The following IL1RAPL2 variants were observed in gnomAD, a reference collection of about 807,000 sequenced individuals.
The protein encoded by IL1RAPL2 is interleukin 1 receptor accessory protein like 2, also known as X-linked interleukin-1 receptor accessory protein-like 2.
Under a neutral mutation model 44.1 loss-of-function variants are expected in IL1RAPL2, and 3 were observed. The observed-to-expected ratio is 0.07, with a 90% confidence interval of 0.03 to 0.18. The LOEUF is 0.18. Among genes scored for constraint, IL1RAPL2 ranks in the 10% least tolerant of loss-of-function variants. The pLI, the probability that IL1RAPL2 is intolerant of heterozygous loss-of-function variation, is 1.00. For synonymous variants in IL1RAPL2, 181 were observed against 178.8 expected, an observed-to-expected ratio of 1.01 and a Z score of -0.10; for missense variants, 391 against 496.4, an observed-to-expected ratio of 0.79 and a Z score of 2.02.
chrX:105,530,185 T>G (rs1345890511), intron 6 of IL1RAPL2, among the ~76,000 whole-genome samples: 1 of 112,339 alleles, frequency 8.9e-6, no homozygotes, highest in African/African-American at 3.2e-5. Context: ...TTACCAGCAA[T>G]GCACATGGGT....
At chrX:104,847,024 G>A (rs1189124069) in intron 2 of IL1RAPL2, among the ~76,000 whole-genome samples, 1 of 111,915 alleles carries the variant, frequency 8.9e-6, no homozygotes, top group Non-Finnish European at 1.9e-5. Context: ...CATATCCTTT[G>A]CCCACTTTTT....
rs181979611 is a variant in IL1RAPL2 at position 105,290,195 on chromosome X, T to C, written c.697+22654T>C. ...TTACATAGAATTTACTAACAGCCTGTTGTGTGCCAGGCATTGTCCTAGACA... is the reference window on the plus strand; with the variant it reads ...TTACATAGAATTTACTAACAGCCTGCTGTGTGCCAGGCATTGTCCTAGACA... On this transcript the variant is annotated intron_variant, in intron 5 of 10. Transcript: ENST00000372582. Among the ~76,000 whole-genome samples, 11 of 111,708 alleles carry C rather than the reference T, an allele frequency of 9.8e-5. No homozygotes were observed. The East Asian group carries it at 2.0e-3, about 20-fold the overall frequency.
rs776972031 is a variant in IL1RAPL2, at chrX:105,270,669, C to T, written c.697+3128C>T. Among the ~76,000 whole-genome samples the T allele has an allele frequency of 7.2e-5, 8 of 111,686 alleles. No individual in the cohort carries two copies. The East Asian group carries it at 2.0e-3, about 28-fold the overall frequency. ...CTTGGTATGGAAGTTCAAGAGTTTG[C>T]TCTGTGAAGGTTTATTCTTTTTTGG... On this transcript the variant is annotated intron_variant, in intron 5 of 10. Transcript: ENST00000372582.
Position 105,046,836 on chromosome X carries a change from T to TTTG in IL1RAPL2, c.83-148639_83-148638insTTG, listed in dbSNP as rs1556036881. Among the ~76,000 whole-genome samples the TTTG allele has an allele frequency of 5.2e-3, 519 of 99,396 alleles. 9 individuals carry two copies. Among genetic ancestry groups the TTTG allele is most frequent in the African/African-American group, 0.019 (496 of 26,482 alleles). The allele number at this position is 99,396 out of a possible 115,157, so 86.3% of individuals were successfully genotyped here. A position where few individuals can be genotyped will look rare whatever the true frequency, so the allele number is the denominator to read the frequency against. On this transcript the variant is annotated intron_variant, in intron 2 of 10. Transcript: ENST00000372582. The stretch of plus-strand genomic sequence containing the variant: ...AAGCACTAACCTTTTTTTTTTTTTT[T>TTTG]GGGGGGGTGCTAGACCTAGTAAAAG...
Position 104,912,792 on chromosome X carries a change from CAA to C in IL1RAPL2, c.82+253798_82+253799del, listed in dbSNP as rs1165437204. ...CTTTTACAATAAAACAAAAACAAAA[CAA>C]GAGATCACATAGCAAGGGTGTGTGT... On this transcript the variant is annotated intron_variant, in intron 2 of 10. Coordinates refer to ENST00000372582, the MANE Select transcript of IL1RAPL2 (RefSeq NM_017416.2). 2.9e-4 allele frequency among the ~76,000 whole-genome samples: 32 copies of C among 111,442 alleles called. No individual in the cohort carries two copies. In the Admixed American group the frequency reaches 3.1e-3, roughly 11 times the overall value.
intron 4 of IL1RAPL2, among the ~76,000 whole-genome samples, chrX:105,236,021 T>A (rs2147637620): frequency 8.9e-6 from 1 of 112,372 alleles, no homozygotes; most frequent in South Asian, 3.7e-4. Flanking sequence ...GGAACTTTTG[T>A]AAGATGCCAT....
At chrX:105,700,202 G>A (rs886181920) in intron 6 of IL1RAPL2, among the ~76,000 whole-genome samples, 2 of 111,062 alleles carry the variant, frequency 1.8e-5, no homozygotes, top group Non-Finnish European at 3.8e-5. Flanking sequence ...CATTACTTTC[G>A]GCTCCATCAC....
intron 2 of IL1RAPL2, among the ~76,000 whole-genome samples, chrX:104,895,952 G>T (rs1923631451): frequency 8.9e-6 from 1 of 111,967 alleles, no homozygotes; most frequent in South Asian, 3.7e-4. Context: ...CTCTTTGGCA[G>T]CAGTGACTCT....
Position 104,712,832 on chromosome X carries a change from A to G in IL1RAPL2, c.82+53837A>G, listed in dbSNP as rs528432515. On this transcript the variant is annotated intron_variant, in intron 2 of 10. Coordinates refer to ENST00000372582, the MANE Select transcript of IL1RAPL2 (RefSeq NM_017416.2). ...GGCATCTCTACAAATCCCCTTTGAC[A>G]GCTGTTTTCATATGCACTGAGAATA... Among the ~76,000 whole-genome samples the G allele has an allele frequency of 3.5e-3, 298 of 86,274 alleles. 4 individuals carry two copies. Among genetic ancestry groups the G allele is most frequent in the Admixed American group, 0.023 (185 of 8,143 alleles). 74.9% of individuals were successfully genotyped at this position (86,274 alleles called of 115,157 possible). A position where few individuals can be genotyped will look rare whatever the true frequency, so the allele number is the denominator to read the frequency against.
chrX:105,755,827 T>C (rs757336031), intron 10 of IL1RAPL2, among the ~76,000 whole-genome samples: 13 of 111,882 alleles, frequency 1.2e-4, no homozygotes, highest in Non-Finnish European at 2.4e-4. Context: ...TATGAGGCCA[T>C]TGGGTACAGC....
intron 5 of IL1RAPL2, among the ~76,000 whole-genome samples, chrX:105,464,697 A>G (rs1218867326): frequency 1.8e-5 from 2 of 111,901 alleles, no homozygotes; most frequent in African/African-American, 3.2e-5. Context: ...AAAATGATTT[A>G]ATCACAAATG....
At chrX:105,729,900 GGAAGGAAGGAA>G (rs1569469734) in intron 7 of IL1RAPL2, among the ~76,000 whole-genome samples, 1 of 78,453 alleles carries the variant, frequency 1.3e-5, no homozygotes, top group African/African-American at 5.7e-5. Context: ...AAGGAAGGAA[GGAAGGAAGGAA>G]GGAAGGAAGG....
chrX:105,185,674 T>G (rs1468585177), intron 2 of IL1RAPL2, among the ~76,000 whole-genome samples: 1 of 112,089 alleles, frequency 8.9e-6, no homozygotes, highest in African/African-American at 3.2e-5. Flanking sequence ...GGCATTTGGG[T>G]CCAGGATGAT....
chrX:104,853,116 T>G (rs2147643139), intron 2 of IL1RAPL2, among the ~76,000 whole-genome samples: 1 of 112,253 alleles, frequency 8.9e-6, no homozygotes, highest in South Asian at 3.8e-4. Flanking sequence ...AATATTAAAG[T>G]GCCTACTGTT....
At chrX:105,638,863 GT>G (rs2037544131) in intron 6 of IL1RAPL2, among the ~76,000 whole-genome samples, 1 of 111,862 alleles carries the variant, frequency 8.9e-6, no homozygotes, top group African/African-American at 3.2e-5. Context: ...AGGCTTTTAT[GT>G]TGACCTGGGT....
intron 2 of IL1RAPL2, among the ~76,000 whole-genome samples, chrX:104,880,257 CCCAT>C (rs1569332307): frequency 9.0e-6 from 1 of 110,809 alleles, no homozygotes; most frequent in African/African-American, 3.3e-5. Flanking sequence ...GTAAAATTCT[CCCAT>C]GGCAAACTAC....
chrX:104,627,719 T>C (rs1326399856), intron 1 of IL1RAPL2, among the ~76,000 whole-genome samples: 1 of 111,293 alleles, frequency 9.0e-6, no homozygotes, highest in Non-Finnish European at 1.9e-5. Context: ...GATGACCTGG[T>C]ACATTTCAAG....
At chrX:104,931,947 AGTGTGTGTGT>A (rs34524314) in intron 2 of IL1RAPL2, among the ~76,000 whole-genome samples, 3 of 88,995 alleles carry the variant, frequency 3.4e-5, no homozygotes, top group Non-Finnish European at 4.3e-5. Flanking sequence ...GGAAACTATG[AGTGTGTGTGT>A]GTGTGTGTGT....
intron 2 of IL1RAPL2, among the ~76,000 whole-genome samples, chrX:105,153,704 AG>A (rs1313118374): frequency 8.9e-6 from 1 of 111,733 alleles, no homozygotes; most frequent in African/African-American, 3.3e-5. Context: ...ATCCCAAAGC[AG>A]GGGCTTCCAG....
Sources: allele counts gnomAD v4.1 joint callset (sites outside exome capture counted in the v4.1 genomes callset), GRCh38; gene constraint gnomAD v4.1.1; transcripts MANE v1.5; gene names NCBI Gene and HGNC (gene_info 2026-07-23, HGNC 2026-07-21).